Variants in ITGA8 observed in about 807,000 individuals in gnomAD.
ITGA8 encodes the protein integrin alpha-8.
In ITGA8, 91 loss-of-function variants were observed where a neutral mutation model predicts 142.3. The ratio of observed to expected loss-of-function variants is 0.64; its 90% CI spans 0.54 to 0.76. The LOEUF (loss-of-function observed/expected upper bound fraction) is 0.76. ITGA8 is among the 30% of genes least tolerant of loss of function. The pLI is 0.00. For synonymous variants in ITGA8, 505 were observed against 485.2 expected (o/e 1.04, Z -0.54); for missense variants, 1,406 against 1,327.7 (o/e 1.06, Z -0.92).
intron 2 of ITGA8, among the ~76,000 whole-genome samples, chr10:15,694,360 AGATAATATATCATATAT>A: frequency 7.5e-6 from 1 of 134,226 alleles, no homozygotes; most frequent in African/African-American, 2.9e-5. Context: ...ATCATATATC[AGATAATATATCATATAT>A]GATAATATAT....
intron 23 of ITGA8, among the ~76,000 whole-genome samples, chr10:15,584,158 A>G (rs1253968206): frequency 6.6e-6 from 1 of 152,052 alleles, no homozygotes; most frequent in Admixed American, 6.6e-5. Context: ...TTAGCTGGGC[A>G]TGGTAGCAGG....
intron 2 of ITGA8, among the ~76,000 whole-genome samples, chr10:15,695,275 G>A (rs1210337632): frequency 6.6e-6 from 1 of 152,122 alleles, no homozygotes; most frequent in Non-Finnish European, 1.5e-5. Flanking sequence ...TCTATGTACT[G>A]AGACGAGTTT....
At chr10:15,614,141 C>T (rs1397115593) in intron 14 of ITGA8, among the ~76,000 whole-genome samples, 1 of 152,316 alleles carries the variant, frequency 6.6e-6, no homozygotes, top group African/African-American at 2.4e-5. Context: ...AATACATCAT[C>T]TTACAGCCAT....
At chr10:15,669,632 A>G (rs575444350) in intron 8 of ITGA8, among the ~76,000 whole-genome samples, 2 of 151,938 alleles carry the variant, frequency 1.3e-5, no homozygotes, top group African/African-American at 4.8e-5. Flanking sequence ...TTTTTTTCCC[A>G]TCTTTGTGGT....
Position 15,558,076 on chromosome 10 carries a change from G to A in ITGA8, c.2764C>T (p.Leu922=). The A allele has an allele frequency of 6.2e-7, 1 of 1,613,898 alleles. No individual in the cohort carries two copies. Among genetic ancestry groups the A allele is most frequent in the Non-Finnish European group, 8.5e-7 (1 of 1,180,006 alleles). ...EFHRQSPAKI[L]NCTNIECLQI... ...CTATGCACACTGGGATAACTCACCA[G>A]TATTTTTGCAGGGCTCTGTCTGTGG... is the stretch of plus-strand genomic sequence containing the variant. Residue 922 remains leucine, a splice_region_variant and synonymous_variant, in exon 26 of 30, where the codon CTG becomes TTG. Transcript: ENST00000378076.
intron 25 of ITGA8, among the ~76,000 whole-genome samples, chr10:15,567,548 C>A (rs1443008591): frequency 6.6e-6 from 1 of 152,198 alleles, no homozygotes; most frequent in Non-Finnish European, 1.5e-5. Flanking sequence ...TGGAGGGAGA[C>A]CCTTCCCGGG....
At chr10:15,591,216 A>G (rs535943427) in intron 22 of ITGA8, among the ~76,000 whole-genome samples, 6 of 152,122 alleles carry the variant, frequency 3.9e-5, no homozygotes, top group Admixed American at 1.3e-4. Context: ...TATTCATTTA[A>G]TAGTTAGAGC....
chr10:15,627,941 C>T (rs1024130805), intron 13 of ITGA8, among the ~76,000 whole-genome samples: 1 of 150,578 alleles, frequency 6.6e-6, no homozygotes, highest in Non-Finnish European at 1.5e-5. Flanking sequence ...CGGTCAAAAC[C>T]ACCAAAACCG....
chr10:15,650,177 G>A (rs906173565), intron 11 of ITGA8, among the ~76,000 whole-genome samples: 1 of 152,086 alleles, frequency 6.6e-6, no homozygotes, highest in African/African-American at 2.4e-5. Context: ...AAGCCAATCT[G>A]AAAAGGCTAC....
chr10:15,691,619 A>G (rs918228395), intron 2 of ITGA8, among the ~76,000 whole-genome samples: 2 of 152,318 alleles, frequency 1.3e-5, no homozygotes, highest in South Asian at 2.1e-4. Context: ...CCGATATTGC[A>G]TGATCTCCCT....
chr10:15,678,816 G>A (rs367839253), intron 4 of ITGA8, 33 bp from the exon 5 acceptor site: 10 of 1,377,414 alleles, frequency 7.3e-6, no homozygotes, highest in African/African-American at 5.8e-5. Flanking sequence ...ATGTTATAAC[G>A]TTATCATTCC....
chr10:15,625,164 A>G (rs139147253), intron 13 of ITGA8, among the ~76,000 whole-genome samples: 1 of 152,346 alleles, frequency 6.6e-6, no homozygotes, highest in East Asian at 1.9e-4. Flanking sequence ...AACTCTGAAG[A>G]AAAACATTTA....
intron 15 of ITGA8, among the ~76,000 whole-genome samples, chr10:15,610,214 T>C (rs1185104378): frequency 6.6e-6 from 1 of 152,230 alleles, no homozygotes; most frequent in Non-Finnish European, 1.5e-5. Flanking sequence ...GTCATAATTT[T>C]TCAAACTCTG....
intron 27 of ITGA8, among the ~76,000 whole-genome samples, chr10:15,548,231 A>C (rs1461523589): frequency 6.6e-6 from 1 of 152,004 alleles, no homozygotes; most frequent in Non-Finnish European, 1.5e-5. Context: ...AGCTGGGACC[A>C]CTGGTGTTCA....
At chr10:15,605,900 C>T in intron 18 of ITGA8, 109 bp from the exon 19 acceptor site, 1 of 908,138 alleles carries the variant, frequency 1.1e-6, no homozygotes, top group Non-Finnish European at 1.8e-6. Context: ...TTTCCTCTCA[C>T]TATGCATGAC....
At chr10:15,705,325 T>C (rs1835238154) in intron 2 of ITGA8, among the ~76,000 whole-genome samples, 1 of 152,228 alleles carries the variant, frequency 6.6e-6, no homozygotes, top group African/African-American at 2.4e-5. Flanking sequence ...GTGACTTTGC[T>C]TGTTGTTTCA....
At chr10:15,628,222 C>T (rs1038732209) in intron 13 of ITGA8, among the ~76,000 whole-genome samples, 16 of 151,728 alleles carry the variant, frequency 1.1e-4, no homozygotes, top group African/African-American at 2.4e-4. Flanking sequence ...AGCAGCTGAG[C>T]GGCCCATATG....
intron 26 of ITGA8, among the ~76,000 whole-genome samples, chr10:15,549,709 A>G (rs773977813): frequency 4.6e-5 from 7 of 152,228 alleles, no homozygotes; most frequent in Non-Finnish European, 7.3e-5. Flanking sequence ...ATAAAAATCA[A>G]TGTATTGGAT....
chr10:15,591,511 C>A (rs1339446642), intron 22 of ITGA8, among the ~76,000 whole-genome samples: 3 of 151,512 alleles, frequency 2.0e-5, no homozygotes, highest in African/African-American at 7.3e-5. Context: ...GATTCCATTA[C>A]CCAGCCAATG....
Sources: allele counts gnomAD v4.1 joint callset (sites outside exome capture counted in the v4.1 genomes callset), GRCh38; gene constraint gnomAD v4.1.1; transcripts MANE v1.5; gene names NCBI Gene and HGNC (gene_info 2026-07-23, HGNC 2026-07-21).